ENOX2: variants seen among roughly 807,000 people sequenced by gnomAD.
ENOX2 encodes ecto-NOX disulfide-thiol exchanger 2.
In ENOX2, 36 loss-of-function variants were observed where a neutral mutation model predicts 45.0. The observed-to-expected ratio is 0.80, with a 90% CI of 0.61 to 1.06. The LOEUF is 1.06. Ranked by LOEUF, ENOX2 falls within the 50% of genes least tolerant of loss-of-function variation. The pLI, the probability that ENOX2 is intolerant of heterozygous loss-of-function variation, is 0.00. For synonymous variants in ENOX2, 174 were observed against 152.3 expected (o/e 1.14, Z -1.05); for missense variants, 423 against 462.5 (o/e 0.91, Z 0.78).
intron 2 of ENOX2, among the ~76,000 whole-genome samples, chrX:130,784,491 G>C (rs1039485946): frequency 5.4e-5 from 6 of 110,564 alleles, no homozygotes; most frequent in Admixed American, 4.8e-4. Flanking sequence ...CTTTTTTAAA[G>C]CCCAAAGTTA....
intron 3 of ENOX2, among the ~76,000 whole-genome samples, chrX:130,713,179 A>G (rs1422630325): frequency 1.8e-5 from 2 of 111,982 alleles, no homozygotes; most frequent in Non-Finnish European, 3.8e-5. Context: ...TGCTGAGCCC[A>G]ATATCTGACA....
At chrX:130,865,258 G>A (rs1038045310) in intron 2 of ENOX2, among the ~76,000 whole-genome samples, 5 of 111,280 alleles carry the variant, frequency 4.5e-5, no homozygotes, top group Non-Finnish European at 9.4e-5. Flanking sequence ...CGATTCAGAT[G>A]AAGAGCACAA....
chrX:130,716,068 T>C (rs898950699), intron 3 of ENOX2, among the ~76,000 whole-genome samples: 1 of 111,328 alleles, frequency 9.0e-6, no homozygotes, highest in African/African-American at 3.3e-5. Context: ...AAAATACCAG[T>C]ACAGGAACCA....
In ENOX2 at chrX:130,849,828, T is replaced by A. The variant is rs778509821; in HGVS notation, c.-183+51856A>T. On this transcript the variant is annotated intron_variant, in intron 2 of 14. Coordinates refer to ENST00000394363, the MANE Select transcript of ENOX2 (RefSeq NM_006375.4). ...CTTTTTTTTAGCAGCCAACCCTTTA[T>A]TCAAAAGACAACTTACAGGAATATC... Among the ~76,000 whole-genome samples, 10 of 111,762 alleles carry A rather than the reference T, an allele frequency of 8.9e-5. No individual in the cohort carries two copies. In the South Asian group the frequency reaches 3.8e-3, roughly 42 times the overall value.
intron 10 of ENOX2, among the ~76,000 whole-genome samples, chrX:130,640,515 A>G (rs1229881415): frequency 4.4e-5 from 5 of 112,601 alleles, no homozygotes; most frequent in African/African-American, 1.3e-4. Flanking sequence ...ATGCCCCTCA[A>G]TGATAGACTG....
chrX:130,689,009 G>A lies in ENOX2; in HGVS notation c.107C>T (p.Pro36Leu). 1 of 1,205,164 alleles carries A rather than the reference G, an allele frequency of 8.3e-7. No individual in the cohort carries two copies. The highest frequency in any genetic ancestry group is 1.1e-6 in the Non-Finnish European group (1 of 891,802). The stretch of plus-strand genomic sequence containing the variant: ...AATTCCAGTCATCATTCCAAGAGCA[G>A]GATCAAAGTCTAAAAAAGGAGAAGA... ...AGQPILPDFDPALGMMTGIPP... is the reference protein window; with the variant it reads ...AGQPILPDFDLALGMMTGIPP... Residue 36 changes from proline (P) to leucine (L), a missense_variant, in exon 5 of 15, where the codon CCT (proline) becomes CTT (leucine). By Grantham distance (98) the Pro-to-Leu change is moderately conservative (BLOSUM62 -3). Coordinates refer to ENST00000394363, the MANE Select transcript of ENOX2 (RefSeq NM_006375.4).
At chrX:130,819,893 C>T (rs1362998050) in intron 2 of ENOX2, among the ~76,000 whole-genome samples, 1 of 111,456 alleles carries the variant, frequency 9.0e-6, no homozygotes, top group Non-Finnish European at 1.9e-5. Context: ...AGAAAAAAGG[C>T]ACCATGACAT....
intron 5 of ENOX2, among the ~76,000 whole-genome samples, chrX:130,686,844 C>G (rs2037462139): frequency 8.9e-6 from 1 of 112,170 alleles, no homozygotes; most frequent in African/African-American, 3.2e-5. Context: ...TAAGCTGTGT[C>G]AAGAGTTTTA....
intron 4 of ENOX2, among the ~76,000 whole-genome samples, chrX:130,690,873 C>T (rs1490075339): frequency 9.0e-6 from 1 of 111,542 alleles, no homozygotes; most frequent in Non-Finnish European, 1.9e-5. Context: ...AGGGCACTAC[C>T]CAGCCTCTCA....
chrX:130,759,936 CAT>C (rs367794258), intron 3 of ENOX2, among the ~76,000 whole-genome samples: 357 of 111,477 alleles, frequency 3.2e-3, no homozygotes, highest in African/African-American at 0.011. Flanking sequence ...TCTACATGAA[CAT>C]AATGTGTTAC....
intron 4 of ENOX2, among the ~76,000 whole-genome samples, chrX:130,691,933 G>C (rs2037609005): frequency 8.8e-6 from 1 of 113,092 alleles, no homozygotes; most frequent in African/African-American, 3.2e-5. Context: ...CCACTCTGCT[G>C]TTTCGTATAA....
chrX:130,795,677 A>G (rs150299996), intron 2 of ENOX2, among the ~76,000 whole-genome samples: 1,764 of 111,818 alleles, frequency 0.016, 20 homozygotes, highest in Non-Finnish European at 0.025. Flanking sequence ...AAATTACTGT[A>G]CCAGCTTCAT....
intron 2 of ENOX2, among the ~76,000 whole-genome samples, chrX:130,838,973 T>C (rs1474634097): frequency 8.9e-6 from 1 of 112,149 alleles, no homozygotes; most frequent in Non-Finnish European, 1.9e-5. Context: ...ACATACACAA[T>C]GCAGTGAATC....
At chrX:130,830,997 A>C (rs1436505297) in intron 2 of ENOX2, among the ~76,000 whole-genome samples, 1 of 112,042 alleles carries the variant, frequency 8.9e-6, no homozygotes, top group Non-Finnish European at 1.9e-5. Flanking sequence ...AAGGGGCTAC[A>C]TCTGGCAAGG....
chrX:130,623,346 A>G lies in ENOX2; in HGVS notation c.*1968T>C, dbSNP rs1217371788. On this transcript the variant is annotated 3_prime_UTR_variant, in exon 15 of 15. Coordinates refer to ENST00000394363, the MANE Select transcript of ENOX2 (RefSeq NM_006375.4). ...TAAAAATTTTTTTTAATGTATTAAT[A>G]TCATGGTAAGGAGTTTGATTTTTTT... 9.0e-6 allele frequency: 1 copy of G among 110,964 alleles called. No individual in the cohort carries two copies. Among genetic ancestry groups the G allele is most frequent in the Non-Finnish European group, 1.9e-5 (1 of 53,050 alleles). The allele number at this position is 110,964 out of a possible 1,213,427, so 9.1% of individuals were successfully genotyped here. A position where few individuals can be genotyped will look rare whatever the true frequency, so the allele number is the denominator to read the frequency against.
intron 2 of ENOX2, among the ~76,000 whole-genome samples, chrX:130,863,275 C>G (rs1018853965): frequency 8.9e-6 from 1 of 112,269 alleles, no homozygotes; most frequent in South Asian, 3.7e-4. Context: ...CAAACTCTTC[C>G]TTTTTCACTT....
chrX:130,777,095 T>C lies in ENOX2; in HGVS notation c.-39+6452A>G, dbSNP rs144548841. Among the ~76,000 whole-genome samples, 9 of 111,825 alleles carry C rather than the reference T, an allele frequency of 8.0e-5. No homozygotes were observed. In the South Asian group the frequency reaches 1.1e-3, roughly 14 times the overall value. On this transcript the variant is annotated intron_variant, in intron 3 of 14. Coordinates refer to ENST00000394363, the MANE Select transcript of ENOX2 (RefSeq NM_006375.4). ...ATTACATGCCACAGTCCTAGCCAATTTGAAATGATTATATGGGTCTGGTAA... is the reference window on the plus strand; with the variant it reads ...ATTACATGCCACAGTCCTAGCCAATCTGAAATGATTATATGGGTCTGGTAA...
At chrX:130,773,124 C>T (rs933458312) in intron 3 of ENOX2, among the ~76,000 whole-genome samples, 104 of 112,303 alleles carry the variant, frequency 9.3e-4, no homozygotes, top group African/African-American at 3.2e-3. Flanking sequence ...ACCACTATGC[C>T]TCACACTTAT....
chrX:130,825,671 T>C lies in ENOX2; in HGVS notation c.-182-41981A>G, dbSNP rs747128951. 8.1e-5 allele frequency among the ~76,000 whole-genome samples: 9 copies of C among 111,364 alleles called. No individual in the cohort carries two copies. In the South Asian group the frequency reaches 3.4e-3, roughly 42 times the overall value. On this transcript the variant is annotated intron_variant, in intron 2 of 14. Coordinates refer to ENST00000394363, the MANE Select transcript of ENOX2 (RefSeq NM_006375.4). Reference sequence around the variant, plus strand: ...TTGTACACCATTCTGAGTAGCACAATTGAATCTCACTCATTCTACTCCATT... The same window carrying C: ...TTGTACACCATTCTGAGTAGCACAACTGAATCTCACTCATTCTACTCCATT...
Sources: allele counts gnomAD v4.1 joint callset (sites outside exome capture counted in the v4.1 genomes callset), GRCh38; gene constraint gnomAD v4.1.1; transcripts MANE v1.5; gene names NCBI Gene and HGNC (gene_info 2026-07-23, HGNC 2026-07-21).